Variants in FAM193A observed in about 807,000 individuals in gnomAD.
The protein encoded by FAM193A is protein FAM193A.
In FAM193A, 22 loss-of-function variants were observed where a neutral mutation model predicts 126.5. The observed-to-expected ratio is 0.17, with a 90% CI of 0.12 to 0.25. FAM193A has a LOEUF of 0.25. Ranked by LOEUF, FAM193A falls within the 10% of genes least tolerant of loss-of-function variation. FAM193A has a pLI of 1.00. For synonymous variants in FAM193A, 761 were observed against 646.8 expected (o/e 1.18, Z -2.68); for missense variants, 1,675 against 1,672.8 (o/e 1.00, Z -0.02).
chr4:2,714,653 C>G (rs1719351214), intron 19 of FAM193A, among the ~76,000 whole-genome samples: 2 of 152,120 alleles, frequency 1.3e-5, no homozygotes, highest in Admixed American at 6.6e-5. Flanking sequence ...AACAAACACA[C>G]TTGAAAGCAC....
intron 2 of FAM193A, among the ~76,000 whole-genome samples, chr4:2,604,791 CTT>C (rs869148370): frequency 0.017 from 1,684 of 99,504 alleles, 15 homozygotes; most frequent in African/African-American, 0.061. Context: ...TTTCTTTTTC[CTT>C]TTTTTTTTTT....
chr4:2,540,991 G>A (rs61790207), intron 1 of FAM193A, among the ~76,000 whole-genome samples: 9 of 150,412 alleles, frequency 6.0e-5, no homozygotes, highest in African/African-American at 2.2e-4. Context: ...AAAAAAAAGG[G>A]CAGGCGCAGT....
chr4:2,721,806 G>C (rs1165172284), intron 20 of FAM193A, among the ~76,000 whole-genome samples: 1 of 152,212 alleles, frequency 6.6e-6, no homozygotes, highest in East Asian at 1.9e-4. Flanking sequence ...TGCACGACTA[G>C]AGGTTCTCCT....
intron 13 of FAM193A, among the ~76,000 whole-genome samples, chr4:2,672,611 T>A (rs1230108616): frequency 6.6e-6 from 1 of 152,248 alleles, no homozygotes; most frequent in Non-Finnish European, 1.5e-5. Context: ...TATTCAGAAT[T>A]AAATAGAACA....
intron 2 of FAM193A, among the ~76,000 whole-genome samples, chr4:2,611,267 A>ATTTT (rs1240253336): frequency 3.3e-5 from 5 of 150,630 alleles, no homozygotes; most frequent in South Asian, 2.1e-4. Context: ...TTTTCTATTT[A>ATTTT]TTTATTTATT....
chr4:2,682,902 A>G (rs886163034), intron 13 of FAM193A, among the ~76,000 whole-genome samples: 3 of 152,250 alleles, frequency 2.0e-5, no homozygotes, highest in African/African-American at 7.2e-5. Context: ...AATAATAAGA[A>G]GAAGATATTT....
At chr4:2,623,465 TG>T (rs1742677255) in intron 2 of FAM193A, among the ~76,000 whole-genome samples, 1 of 151,622 alleles carries the variant, frequency 6.6e-6, no homozygotes, top group South Asian at 2.1e-4. Context: ...CCACCGCGCC[TG>T]GCCGGTCCCC....
chr4:2,635,047 A>C (rs1743954404), intron 5 of FAM193A, among the ~76,000 whole-genome samples: 1 of 152,198 alleles, frequency 6.6e-6, no homozygotes, highest in African/African-American at 2.4e-5. Flanking sequence ...ATATTCCAAT[A>C]AGTGTCTCTA....
At chr4:2,567,864 A>G (rs916025559) in intron 1 of FAM193A, among the ~76,000 whole-genome samples, 30 of 152,172 alleles carry the variant, frequency 2.0e-4, no homozygotes, top group Non-Finnish European at 8.8e-5. Context: ...GGGCACCTCA[A>G]TCATCTCTCC....
chr4:2,537,623 G>T (rs1179206492), intron 1 of FAM193A, among the ~76,000 whole-genome samples: 2 of 152,260 alleles, frequency 1.3e-5, no homozygotes, highest in Non-Finnish European at 2.9e-5. Context: ...GATTCCGGGA[G>T]TGAGCAAAGC....
chr4:2,590,932 C>T (rs1465895728), intron 1 of FAM193A, among the ~76,000 whole-genome samples: 1 of 151,606 alleles, frequency 6.6e-6, no homozygotes, highest in Non-Finnish European at 1.5e-5. Context: ...TAGGCTGAGG[C>T]AGGAGAATCA....
intron 6 of FAM193A, among the ~76,000 whole-genome samples, chr4:2,646,392 G>A (rs780911053): frequency 6.6e-6 from 1 of 151,760 alleles, no homozygotes; most frequent in Non-Finnish European, 1.5e-5. Flanking sequence ...TGCTGGTCTC[G>A]ATCTCCCGAC....
chr4:2,550,135 C>A (rs1411924972), intron 1 of FAM193A, among the ~76,000 whole-genome samples: 1 of 150,754 alleles, frequency 6.6e-6, no homozygotes, highest in Non-Finnish European at 1.5e-5. Context: ...CACCTGAGTT[C>A]ATGTGATTCT....
rs1446693142 is a variant in FAM193A, at chr4:2,631,139, A to T, written c.1008A>T (p.Ala336=). The T allele has an allele frequency of 6.2e-7, 1 of 1,612,778 alleles. No homozygotes were observed. The highest frequency in any genetic ancestry group is 8.5e-7 in the Non-Finnish European group (1 of 1,179,524). The change falls in exon 5 of 21, where the codon GCA becomes GCT. Residue 336 remains alanine (A), a synonymous_variant. Coordinates refer to ENST00000637812, the MANE Select transcript of FAM193A (RefSeq NM_001366318.2). ...LEEYGALCQA[A]RSISTFLGTL... ...AGTACGGCGCCCTCTGCCAGGCCGC[A>T]CGCTCCATCAGCACCTTCCTTGGCA...
intron 2 of FAM193A, among the ~76,000 whole-genome samples, chr4:2,622,275 A>C (rs982462262): frequency 6.6e-6 from 1 of 151,232 alleles, no homozygotes; most frequent in Admixed American, 6.6e-5. Context: ...AAAAAAAAAA[A>C]AAAAAAAACC....
At chr4:2,612,858 C>T (rs963480203) in intron 2 of FAM193A, among the ~76,000 whole-genome samples, 1 of 152,206 alleles carries the variant, frequency 6.6e-6, no homozygotes, top group African/African-American at 2.4e-5. Context: ...ACATAGATGT[C>T]TACCAACTTT....
chr4:2,615,358 C>T (rs559138237), intron 2 of FAM193A: 2 of 152,076 alleles, frequency 1.3e-5, no homozygotes, highest in East Asian at 3.8e-4. Flanking sequence ...AAAATTTGCA[C>T]CAATCACACA....
At chr4:2,605,686 G>A (rs1741491828) in intron 2 of FAM193A, among the ~76,000 whole-genome samples, 2 of 152,142 alleles carry the variant, frequency 1.3e-5, no homozygotes, top group Non-Finnish European at 2.9e-5. Context: ...GGTTTAGTAA[G>A]TAGGGCCGGA....
chr4:2,664,810 G>A (rs1054312743), intron 12 of FAM193A, among the ~76,000 whole-genome samples: 20 of 151,942 alleles, frequency 1.3e-4, no homozygotes, highest in Admixed American at 1.2e-3. Flanking sequence ...TGATCCGCCC[G>A]TGTTGGCCTC....
Sources: allele counts gnomAD v4.1 joint callset (sites outside exome capture counted in the v4.1 genomes callset), GRCh38; gene constraint gnomAD v4.1.1; transcripts MANE v1.5; gene names NCBI Gene and HGNC (gene_info 2026-07-23, HGNC 2026-07-21).